Variants in SV2C observed in about 807,000 individuals in gnomAD.
SV2C encodes the protein solute carrier family 22 member B3.
Under a neutral mutation model 79.7 loss-of-function variants are expected in SV2C, and 49 were observed. That is an observed-to-expected ratio of 0.61 (90% confidence interval 0.49 to 0.78). The LOEUF (loss-of-function observed/expected upper bound fraction) is 0.78. Among genes scored for constraint, SV2C ranks in the 30% least tolerant of loss-of-function variants. SV2C has a pLI of 0.00. For synonymous variants in SV2C, 334 were observed against 333.2 expected (o/e 1.00, Z -0.03); for missense variants, 833 against 912.9 (o/e 0.91, Z 1.13).
intron 2 of SV2C, among the ~76,000 whole-genome samples, chr5:76,137,620 G>A (rs1749111087): frequency 6.6e-6 from 1 of 152,106 alleles, no homozygotes; most frequent in Admixed American, 6.5e-5. Flanking sequence ...GGGTTAGAGA[G>A]TCTTTCGGCC....
intron 1 of SV2C, among the ~76,000 whole-genome samples, chr5:76,092,094 G>A (rs1049272639): frequency 1.3e-5 from 2 of 152,104 alleles, no homozygotes; most frequent in Non-Finnish European, 2.9e-5. Context: ...TAGTAGAACC[G>A]ATATAGTATG....
chr5:75,951,187 CA>C, the SV2C span, among the ~76,000 whole-genome samples: 6 of 151,194 alleles, frequency 4.0e-5, no homozygotes. Context: ...GGGATGAGAG[CA>C]AAAAAAAGAA....
At chr5:75,911,935 A>G in the SV2C span, 5 of 445,342 alleles carry the variant, frequency 1.1e-5, no homozygotes, top group Non-Finnish European at 1.8e-5. Context: ...ACCAGAGGGT[A>G]TAGGTCAGAG....
the SV2C span, among the ~76,000 whole-genome samples, chr5:76,035,573 T>C: frequency 1.3e-5 from 2 of 151,774 alleles, no homozygotes; most frequent in Admixed American, 6.6e-5. Context: ...AGTGAGATTC[T>C]TAATCCTGAG....
At chr5:76,001,816 A>G in the SV2C span, among the ~76,000 whole-genome samples, 1 of 152,224 alleles carries the variant, frequency 6.6e-6, no homozygotes, top group Non-Finnish European at 1.5e-5. Context: ...TAAAAATTTC[A>G]GTAGTTTTGG....
chr5:76,324,213 G>A (rs1384583266), intron 12 of SV2C, among the ~76,000 whole-genome samples: 1 of 152,054 alleles, frequency 6.6e-6, no homozygotes, highest in Non-Finnish European at 1.5e-5. Context: ...TCCAACCTCA[G>A]CCTCCCAAAG....
At chr5:76,081,612 T>C (rs1746993670), upstream of SV2C, among the ~76,000 whole-genome samples, 3 of 152,226 alleles carry the variant, frequency 2.0e-5, no homozygotes, top group Admixed American at 6.5e-5. Context: ...AATTTTCATA[T>C]TGCCTGACCA....
the SV2C span, among the ~76,000 whole-genome samples, chr5:76,003,383 G>A: frequency 6.6e-6 from 1 of 152,162 alleles, no homozygotes; most frequent in African/African-American, 2.4e-5. Context: ...CAGACACTGA[G>A]ATGATATGGG....
intron 3 of SV2C, among the ~76,000 whole-genome samples, chr5:76,204,609 A>C (rs1744553770): frequency 6.6e-6 from 1 of 152,246 alleles, no homozygotes; most frequent in Non-Finnish European, 1.5e-5. Flanking sequence ...ATTAAAGCAG[A>C]ATAGAATTAC....
chr5:76,224,246 G>A (rs777004697), intron 4 of SV2C, among the ~76,000 whole-genome samples: 38 of 152,036 alleles, frequency 2.5e-4, no homozygotes, highest in African/African-American at 8.7e-4. Flanking sequence ...CTTGAAACAC[G>A]GATATCTTTT....
chr5:76,174,180 G>T (rs200895911), intron 2 of SV2C: 24 of 1,612,254 alleles, frequency 1.5e-5, no homozygotes, highest in East Asian at 2.2e-5. Context: ...TTATACTCAC[G>T]CATGATGCAA....
intron 9 of SV2C, among the ~76,000 whole-genome samples, chr5:76,296,321 G>A (rs1477007953): frequency 6.6e-6 from 1 of 152,148 alleles, no homozygotes; most frequent in African/African-American, 2.4e-5. Context: ...TCTGAAATGT[G>A]ATTATATGAG....
intron 1 of SV2C, among the ~76,000 whole-genome samples, chr5:76,125,493 A>C (rs148118862): frequency 2.1e-4 from 32 of 152,250 alleles, no homozygotes; most frequent in African/African-American, 6.3e-4. Context: ...TGTCATGCTG[A>C]GGGTGGGGAA....
At chr5:75,984,289 CAGAA>C in the SV2C span, among the ~76,000 whole-genome samples, 2 of 152,048 alleles carry the variant, frequency 1.3e-5, no homozygotes, top group East Asian at 1.9e-4. Context: ...AATAAGTTGA[CAGAA>C]AGAGAATATG....
At chr5:76,181,948 A>G (rs916953891) in intron 2 of SV2C, among the ~76,000 whole-genome samples, 3 of 152,172 alleles carry the variant, frequency 2.0e-5, no homozygotes, top group African/African-American at 7.2e-5. Flanking sequence ...CACTAAACCC[A>G]GTCATTCCCA....
chr5:76,086,872 C>A (rs745870943), intron 1 of SV2C, among the ~76,000 whole-genome samples: 2 of 152,148 alleles, frequency 1.3e-5, no homozygotes, highest in Non-Finnish European at 2.9e-5. Flanking sequence ...TTACAAACAA[C>A]CCCTCCTAAT....
chr5:76,167,333 C>T (rs1743075301), intron 2 of SV2C, among the ~76,000 whole-genome samples: 1 of 152,292 alleles, frequency 6.6e-6, no homozygotes, highest in Admixed American at 6.5e-5. Context: ...TTTCACACGT[C>T]CCTTTTAGCT....
intron 2 of SV2C, among the ~76,000 whole-genome samples, chr5:76,142,351 G>T (rs2112210728): frequency 6.6e-6 from 1 of 152,266 alleles, no homozygotes; most frequent in East Asian, 1.9e-4. Flanking sequence ...CTTAAAAATA[G>T]AATTTAATGA....
At chr5:76,028,518 A>T in the SV2C span, among the ~76,000 whole-genome samples, 13 of 152,210 alleles carry the variant, frequency 8.5e-5, no homozygotes, top group Non-Finnish European at 1.6e-4. Context: ...TATAGCACAA[A>T]TGAAAATGTC....
Sources: allele counts gnomAD v4.1 joint callset (sites outside exome capture counted in the v4.1 genomes callset), GRCh38; gene constraint gnomAD v4.1.1; transcripts MANE v1.5; gene names NCBI Gene and HGNC (gene_info 2026-07-23, HGNC 2026-07-21).